Variants in DIAPH2 observed in about 807,000 individuals in gnomAD.
DIAPH2 encodes the protein protein diaphanous homolog 2.
A neutral mutation model predicts 92.7 loss-of-function variants in DIAPH2; 35 were observed. That is an observed-to-expected ratio of 0.38 (90% CI 0.29 to 0.50). The LOEUF is 0.50. Among genes scored for constraint, DIAPH2 ranks in the 20% least tolerant of loss-of-function variants. The pLI, the probability that DIAPH2 is intolerant of heterozygous loss-of-function variation, is 0.94. For synonymous variants in DIAPH2, 301 were observed against 280.4 expected, an observed-to-expected ratio of 1.07 and a Z score of -0.73; for missense variants, 701 against 819.5, an observed-to-expected ratio of 0.86 and a Z score of 1.77.
rs1036427996 is a variant in DIAPH2 at position 97,374,059 on chromosome X, A to AT, written c.3010-9841dup. Among the ~76,000 whole-genome samples, 289 of 108,180 alleles carry AT rather than the reference A, an allele frequency of 2.7e-3. 1 individual carries two copies. The highest frequency in any genetic ancestry group is 0.014 in the Middle Eastern group (3 of 212). The allele number at this position is 108,180 out of a possible 115,157, so 93.9% of individuals were successfully genotyped here. A position where few individuals can be genotyped will look rare whatever the true frequency, so the allele number is the denominator to read the frequency against. ...GGCTTTATATGCTATTGGAAGCACTATTTTTTTTTCAACTATGAGTAGGAA... is the reference window on the plus strand; with the variant it reads ...GGCTTTATATGCTATTGGAAGCACTATTTTTTTTTTCAACTATGAGTAGGAA... On this transcript the variant is annotated intron_variant, in intron 24 of 26. Coordinates refer to ENST00000324765, the MANE Select transcript of DIAPH2 (RefSeq NM_006729.5).
At chrX:96,740,795 T>C (rs2064114377) in intron 3 of DIAPH2, among the ~76,000 whole-genome samples, 1 of 111,382 alleles carries the variant, frequency 9.0e-6, no homozygotes, top group Non-Finnish European at 1.9e-5. Flanking sequence ...CCCTATGATT[T>C]GGACACAGAG....
At position 96,912,636 on chromosome X, in the gene DIAPH2, T is replaced by C. The variant is rs185262554; in HGVS notation, c.732+84T>C. Reference sequence around the variant, plus strand: ...AAAGTATGAAATGAACAAAATATTTTTTTATTATTTTTTTTAATTTCCAGG... The same window carrying C: ...AAAGTATGAAATGAACAAAATATTTCTTTATTATTTTTTTTAATTTCCAGG... On this transcript the variant is annotated intron_variant, in intron 7 of 26. Transcript: ENST00000324765. 7.9e-4 allele frequency: 803 copies of C among 1,010,318 alleles called. 5 individuals carry two copies. In the African/African-American group the frequency reaches 0.014, roughly 17 times the overall value. The allele number at this position is 1,010,318 out of a possible 1,213,427, so 83.3% of individuals were successfully genotyped here. A position where few individuals can be genotyped will look rare whatever the true frequency, so the allele number is the denominator to read the frequency against.
chrX:96,811,044 A>G (rs1207270725), intron 4 of DIAPH2, among the ~76,000 whole-genome samples: 6 of 111,637 alleles, frequency 5.4e-5, no homozygotes, highest in Non-Finnish European at 1.1e-4. Context: ...AGTATTTCCA[A>G]TTCTGTGAAA....
At chrX:97,438,522 C>A (rs746599954) in intron 26 of DIAPH2, among the ~76,000 whole-genome samples, 1 of 107,781 alleles carries the variant, frequency 9.3e-6, no homozygotes, top group Non-Finnish European at 1.9e-5. Flanking sequence ...CATGCCACCA[C>A]GCCCAGCTAT....
At chrX:97,308,796 T>C (rs1330420657) in intron 23 of DIAPH2, among the ~76,000 whole-genome samples, 1 of 106,724 alleles carries the variant, frequency 9.4e-6, no homozygotes, top group Non-Finnish European at 1.9e-5. Context: ...AATTTTTTTG[T>C]ATTTTTAGTA....
At chrX:96,685,915 C>T (rs774929426) in intron 1 of DIAPH2, among the ~76,000 whole-genome samples, 18 of 112,045 alleles carry the variant, frequency 1.6e-4, no homozygotes, top group Middle Eastern at 9.2e-3. Context: ...CAAATCTCAC[C>T]GTGCTGATAG....
At chrX:97,191,493 T>C (rs1206953895) in intron 22 of DIAPH2, among the ~76,000 whole-genome samples, 1 of 111,481 alleles carries the variant, frequency 9.0e-6, no homozygotes, top group East Asian at 2.8e-4. Context: ...GTATCTTCCC[T>C]GGGAAGCAGG....
intron 1 of DIAPH2, among the ~76,000 whole-genome samples, chrX:96,713,437 A>G (rs767754556): frequency 2.3e-4 from 26 of 111,335 alleles, no homozygotes; most frequent in African/African-American, 8.5e-4. Flanking sequence ...GTTACCTGCT[A>G]TTGACATCCT....
At chrX:97,308,121 T>C (rs1226040682) in intron 23 of DIAPH2, among the ~76,000 whole-genome samples, 1 of 110,609 alleles carries the variant, frequency 9.0e-6, no homozygotes, top group Non-Finnish European at 1.9e-5. Flanking sequence ...TTTTTGATAT[T>C]GAAAGGAATC....
At chrX:97,392,753 T>C (rs1313276677) in intron 25 of DIAPH2, among the ~76,000 whole-genome samples, 4 of 111,857 alleles carry the variant, frequency 3.6e-5, no homozygotes, top group Non-Finnish European at 5.6e-5. Context: ...AGCACCACAG[T>C]TTGCTAGCCA....
At chrX:96,775,438 T>G (rs957573109) in intron 4 of DIAPH2, among the ~76,000 whole-genome samples, 2 of 107,904 alleles carry the variant, frequency 1.9e-5, no homozygotes, top group Non-Finnish European at 3.8e-5. Context: ...ATGGTGATTG[T>G]TATTTTTTTG....
At chrX:96,819,364 AT>A (rs2064762635) in intron 4 of DIAPH2, among the ~76,000 whole-genome samples, 1 of 112,152 alleles carries the variant, frequency 8.9e-6, no homozygotes, top group Non-Finnish European at 1.9e-5. Context: ...TCTGATTTAT[AT>A]TTTTTTCTAT....
At chrX:96,893,902 G>C (rs1476857303) in intron 5 of DIAPH2, among the ~76,000 whole-genome samples, 2 of 112,083 alleles carry the variant, frequency 1.8e-5, no homozygotes, top group Non-Finnish European at 3.8e-5. Flanking sequence ...TCGACTGGTG[G>C]TAGATAATGG....
At chrX:96,886,865 C>T (rs2065265783) in intron 5 of DIAPH2, among the ~76,000 whole-genome samples, 1 of 109,812 alleles carries the variant, frequency 9.1e-6, no homozygotes, top group Non-Finnish European at 1.9e-5. Context: ...GATGCGTAGC[C>T]ACTTGTTTTT....
At chrX:97,202,102 A>G (rs1002032236) in intron 22 of DIAPH2, among the ~76,000 whole-genome samples, 2 of 111,807 alleles carry the variant, frequency 1.8e-5, no homozygotes, top group Non-Finnish European at 1.9e-5. Context: ...CTTTCCAGAC[A>G]AGCAAATGCT....
intron 22 of DIAPH2, among the ~76,000 whole-genome samples, chrX:97,171,516 G>A (rs1036781100): frequency 3.6e-5 from 4 of 112,254 alleles, no homozygotes; most frequent in African/African-American, 1.3e-4. Context: ...CAGTGGAAGA[G>A]GAAAGCTGCC....
chrX:97,152,513 A>G (rs373938068), intron 22 of DIAPH2, among the ~76,000 whole-genome samples: 2 of 112,188 alleles, frequency 1.8e-5, no homozygotes, highest in South Asian at 3.7e-4. Context: ...TATTTCTTAC[A>G]GTTCTGGAGG....
At chrX:97,084,399 A>G (rs968695654) in intron 19 of DIAPH2, among the ~76,000 whole-genome samples, 4 of 111,895 alleles carry the variant, frequency 3.6e-5, no homozygotes, top group Admixed American at 9.5e-5. Flanking sequence ...GTACAGTTAC[A>G]ATTGGTATTT....
At chrX:97,502,913 C>T (rs917397507) in intron 26 of DIAPH2, among the ~76,000 whole-genome samples, 2 of 111,862 alleles carry the variant, frequency 1.8e-5, no homozygotes, top group African/African-American at 6.5e-5. Context: ...AGGAAGTGAA[C>T]GTTGATTCCC....
Sources: gnomAD v4.1 joint callset for allele counts (sites outside exome capture counted in the v4.1 genomes callset) on GRCh38, gnomAD v4.1.1 for gene constraint, MANE v1.5 for transcripts, NCBI Gene and HGNC (gene_info 2026-07-23, HGNC 2026-07-21) for gene names.